Variants in LRP1B observed in about 807,000 individuals in gnomAD.
LRP1B encodes the protein LDL receptor related protein 1B.
Under a neutral mutation model 556.6 loss-of-function variants are expected in LRP1B, and 217 were observed. The ratio of observed to expected loss-of-function variants is 0.39; its 90% confidence interval spans 0.35 to 0.44. The LOEUF is 0.44. LRP1B is among the 20% of genes least tolerant of loss of function. The pLI is 1.00. For missense variants in LRP1B, 5,053 were observed against 5,620.8 expected (o/e 0.90, Z 3.23); for synonymous variants, 2,047 against 1,865.8 (o/e 1.10, Z -2.50).
chr2:140,270,445 T>C (rs1396034737), intron 85 of LRP1B, 99 bp from the exon 86 acceptor site: 3 of 756,808 alleles, frequency 4.0e-6, no homozygotes, highest in Non-Finnish European at 6.8e-6. Context: ...ATTCATCATA[T>C]AGGAGAGATG....
intron 2 of LRP1B, among the ~76,000 whole-genome samples, chr2:141,744,512 G>A (rs1351394663): frequency 2.0e-5 from 3 of 152,166 alleles, no homozygotes; most frequent in Non-Finnish European, 4.4e-5. Flanking sequence ...TTGGTCTACA[G>A]TGCAGATTAC....
At chr2:140,634,030 T>G (rs992406034) in intron 41 of LRP1B, among the ~76,000 whole-genome samples, 1 of 152,124 alleles carries the variant, frequency 6.6e-6, no homozygotes, top group African/African-American at 2.4e-5. Flanking sequence ...TTCTCATGAA[T>G]GTAGCTGTAA....
At chr2:141,503,778 G>A (rs997541100) in intron 2 of LRP1B, among the ~76,000 whole-genome samples, 7 of 152,006 alleles carry the variant, frequency 4.6e-5, no homozygotes, top group Admixed American at 2.0e-4. Context: ...AGATTGTAAG[G>A]GGTGAGAGAG....
chr2:142,039,414 G>A (rs1308242131), intron 1 of LRP1B, among the ~76,000 whole-genome samples: 2 of 151,376 alleles, frequency 1.3e-5, no homozygotes, highest in Non-Finnish European at 3.0e-5. Flanking sequence ...ATGTATGGAT[G>A]TGTCTCTGTG....
In LRP1B at chr2:141,563,934, AAGGG is replaced by A. The variant is rs558995708; in HGVS notation, c.206-83405_206-83402del. ...GGGTACTATGCTAACTATCTAGGTG[AAGGG>A]ATCATTCACATCCCAAACCTCGGCA... is the stretch of plus-strand genomic sequence containing the variant. On this transcript the variant is annotated intron_variant, in intron 2 of 90. Coordinates refer to ENST00000389484, the MANE Select transcript of LRP1B (RefSeq NM_018557.3). Among the ~76,000 whole-genome samples, 21 of 152,160 alleles carry A rather than the reference AAGGG, an allele frequency of 1.4e-4. No individual in the cohort carries two copies. The South Asian group carries it at 4.1e-3, about 30-fold the overall frequency.
chr2:141,364,089 C>G (rs79357990), intron 3 of LRP1B, among the ~76,000 whole-genome samples: 5 of 152,210 alleles, frequency 3.3e-5, no homozygotes, highest in African/African-American at 9.6e-5. Flanking sequence ...AGGGCAAGTA[C>G]TCTTCTGTAT....
At chr2:140,547,420 G>A (rs762771146) in intron 43 of LRP1B, among the ~76,000 whole-genome samples, 7 of 152,112 alleles carry the variant, frequency 4.6e-5, no homozygotes, top group African/African-American at 9.6e-5. Context: ...ATTTATTCTC[G>A]ATTTTCTAGT....
intron 35 of LRP1B, among the ~76,000 whole-genome samples, chr2:140,762,780 T>G (rs763983494): frequency 1.3e-5 from 2 of 152,198 alleles, no homozygotes; most frequent in Non-Finnish European, 2.9e-5. Flanking sequence ...ATTGTCTAGT[T>G]GATTAAAAAT....
intron 77 of LRP1B, among the ~76,000 whole-genome samples, chr2:140,349,193 C>T (rs1250128024): frequency 6.6e-6 from 1 of 151,872 alleles, no homozygotes; most frequent in Non-Finnish European, 1.5e-5. Context: ...TGAACTAGAA[C>T]CCTGAACTAA....
At chr2:140,593,897 T>G (rs189309172) in intron 43 of LRP1B, among the ~76,000 whole-genome samples, 2 of 152,200 alleles carry the variant, frequency 1.3e-5, no homozygotes, top group African/African-American at 2.4e-5. Context: ...ATTTATATGA[T>G]AAATATGAGT....
chr2:141,178,234 C>A (rs914961869), intron 7 of LRP1B, among the ~76,000 whole-genome samples: 3 of 152,042 alleles, frequency 2.0e-5, no homozygotes, highest in African/African-American at 7.2e-5. Context: ...CTAGAAAGAG[C>A]CTCCTATTGG....
intron 2 of LRP1B, among the ~76,000 whole-genome samples, chr2:141,582,524 A>T (rs1365827611): frequency 6.6e-6 from 1 of 152,216 alleles, no homozygotes; most frequent in Non-Finnish European, 1.5e-5. Context: ...CCAGAGAGAA[A>T]ATGAGAAATA....
At chr2:140,601,325 G>T in intron 42 of LRP1B, 125 bp downstream of exon 42, 2 of 891,166 alleles carry the variant, frequency 2.2e-6, no homozygotes, top group East Asian at 3.0e-5. Context: ...AAAGTTTTAT[G>T]AATTGTGAAA....
At chr2:141,378,391 T>C (rs1689515215) in intron 3 of LRP1B, among the ~76,000 whole-genome samples, 1 of 152,082 alleles carries the variant, frequency 6.6e-6, no homozygotes, top group African/African-American at 2.4e-5. Flanking sequence ...AGAGAAATTA[T>C]AAAAAGAACT....
rs527845189 is a variant in LRP1B at position 141,275,456 on chromosome 2, C to T, written c.344-20815G>A. ...GGGTGTGGTGGCTCATGCCTGCAAT[C>T]CCAGCACTTTGGGCGGCCAAGGCGA... On this transcript the variant is annotated intron_variant, in intron 3 of 90. Coordinates refer to ENST00000389484, the MANE Select transcript of LRP1B (RefSeq NM_018557.3). 7.2e-4 allele frequency among the ~76,000 whole-genome samples: 110 copies of T among 152,240 alleles called. 1 individual carries two copies. Among genetic ancestry groups the T allele is most frequent in the African/African-American group, 2.4e-3 (101 of 41,556 alleles).
At chr2:141,570,187 C>T (rs1686477166) in intron 2 of LRP1B, among the ~76,000 whole-genome samples, 1 of 150,976 alleles carries the variant, frequency 6.6e-6, no homozygotes, top group Non-Finnish European at 1.5e-5. Flanking sequence ...ATCCTTCACC[C>T]CCAACGAAGG....
At chr2:140,313,903 T>C (rs1684410935) in intron 83 of LRP1B, among the ~76,000 whole-genome samples, 2 of 151,942 alleles carry the variant, frequency 1.3e-5, no homozygotes, top group African/African-American at 4.8e-5. Flanking sequence ...ATTAAGTAAT[T>C]AGAATAATTT....
At chr2:141,779,190 G>T (rs1695166220) in intron 2 of LRP1B, among the ~76,000 whole-genome samples, 1 of 152,012 alleles carries the variant, frequency 6.6e-6, no homozygotes, top group Non-Finnish European at 1.5e-5. Flanking sequence ...AACTTCCTGG[G>T]TCTTCAGATG....
At chr2:140,968,040 C>T (rs1245600215) in intron 18 of LRP1B, among the ~76,000 whole-genome samples, 3 of 116,938 alleles carry the variant, frequency 2.6e-5, no homozygotes, top group African/African-American at 9.4e-5. Context: ...TGATGCTGGC[C>T]TCATAAAATG....
Sources: gnomAD v4.1 joint callset for allele counts (sites outside exome capture counted in the v4.1 genomes callset) on GRCh38, gnomAD v4.1.1 for gene constraint, MANE v1.5 for transcripts, NCBI Gene and HGNC (gene_info 2026-07-23, HGNC 2026-07-21) for gene names.